Variants in TGFBR3 observed in about 807,000 individuals in gnomAD.
The protein encoded by TGFBR3 is transforming growth factor beta receptor type 3.
A neutral mutation model predicts 87.9 loss-of-function variants in TGFBR3; 46 were observed. The ratio of observed to expected loss-of-function variants is 0.52; its 90% CI spans 0.41 to 0.67. The LOEUF (loss-of-function observed/expected upper bound fraction) is 0.67, where lower values mean the gene tolerates loss of function less well. TGFBR3 is among the 30% of genes least tolerant of loss of function. The pLI, the probability that TGFBR3 is intolerant of heterozygous loss-of-function variation, is 0.00. For missense variants in TGFBR3, 866 were observed against 1,041.9 expected (o/e 0.83, Z 2.32); for synonymous variants, 381 against 391.6 (o/e 0.97, Z 0.32).
chr1:91,773,811 AAGTTT>A (rs1340346749), intron 3 of TGFBR3, among the ~76,000 whole-genome samples: 1 of 152,260 alleles, frequency 6.6e-6, no homozygotes, highest in Non-Finnish European at 1.5e-5. Flanking sequence ...CAATTTTAAA[AAGTTT>A]AGTTTAGCCT....
At chr1:91,835,896 A>G (rs1242443314) in intron 2 of TGFBR3, among the ~76,000 whole-genome samples, 2 of 151,354 alleles carry the variant, frequency 1.3e-5, no homozygotes, top group Non-Finnish European at 2.9e-5. Context: ...TATGAATACC[A>G]AATCTTCCCA....
At chr1:91,823,052 C>T (rs907324901) in intron 2 of TGFBR3, among the ~76,000 whole-genome samples, 3 of 152,178 alleles carry the variant, frequency 2.0e-5, no homozygotes, top group African/African-American at 4.8e-5. Context: ...AATAATAACG[C>T]ATTTTCCTTC....
intron 1 of TGFBR3, among the ~76,000 whole-genome samples, chr1:91,885,327 G>A (rs1051666132): frequency 7.5e-6 from 1 of 133,644 alleles, no homozygotes; most frequent in African/African-American, 2.8e-5. Flanking sequence ...CTAACCAAAT[G>A]AATACAAGAA....
intron 3 of TGFBR3, among the ~76,000 whole-genome samples, chr1:91,795,818 G>A (rs1311984776): frequency 6.6e-6 from 1 of 152,198 alleles, no homozygotes; most frequent in Non-Finnish European, 1.5e-5. Flanking sequence ...AATATGAGTT[G>A]CAGCAACAAT....
chr1:91,706,728 CA>C (rs1487151837), intron 14 of TGFBR3, among the ~76,000 whole-genome samples: 2 of 152,212 alleles, frequency 1.3e-5, no homozygotes, highest in African/African-American at 2.4e-5. Context: ...GACTCATCCC[CA>C]AATTCTTTCT....
At chr1:91,835,072 A>C (rs1259945897) in intron 2 of TGFBR3, among the ~76,000 whole-genome samples, 10 of 152,216 alleles carry the variant, frequency 6.6e-5, no homozygotes, top group African/African-American at 1.2e-4. Flanking sequence ...TGGGGGGCCC[A>C]GAGACCCAGC....
chr1:91,801,082 T>TAA, intron 2 of TGFBR3: 1 of 95,414 alleles, frequency 1.0e-5, no homozygotes, highest in South Asian at 1.1e-4. Flanking sequence ...AAACTCTGTC[T>TAA]CAAAAAAAAA....
intron 16 of TGFBR3, among the ~76,000 whole-genome samples, chr1:91,685,315 C>CTGTTTT (rs1671053114): frequency 9.9e-6 from 1 of 100,668 alleles, no homozygotes; most frequent in African/African-American, 4.1e-5. Context: ...GAAGCACTGC[C>CTGTTTT]TTTTTTTTTT....
At chr1:91,721,024 T>C (rs1048926466) in intron 8 of TGFBR3, among the ~76,000 whole-genome samples, 3 of 152,104 alleles carry the variant, frequency 2.0e-5, no homozygotes, top group African/African-American at 7.2e-5. Context: ...TTCTAACAAC[T>C]AAAAAAATAA....
chr1:91,681,241 C>A lies in TGFBR3; in HGVS notation c.*2498G>T. The A allele has an allele frequency of 2.3e-6, 1 of 442,870 alleles. No homozygotes were observed. Among genetic ancestry groups the A allele is most frequent in the South Asian group, 1.6e-5 (1 of 61,348 alleles). 27.4% of individuals were successfully genotyped at this position (442,870 alleles called of 1,614,324 possible). On this transcript the variant is annotated 3_prime_UTR_variant, in exon 17 of 17. Coordinates refer to ENST00000212355, the MANE Select transcript of TGFBR3 (RefSeq NM_003243.5). ...GTAATGAGAAGCTAGGGAGAAAATACCTTATTTTTTTCATGTTCATTTTTT... is the reference window on the plus strand; with the variant it reads ...GTAATGAGAAGCTAGGGAGAAAATAACTTATTTTTTTCATGTTCATTTTTT...
intron 1 of TGFBR3, among the ~76,000 whole-genome samples, chr1:91,882,132 GA>G (rs1679107889): frequency 1.4e-5 from 2 of 142,858 alleles, no homozygotes; most frequent in Non-Finnish European, 1.5e-5. Context: ...GACAAAAATT[GA>G]AAACCTTTTT....
Position 91,716,394 on chromosome 1 carries a change from A to C in TGFBR3, c.1708T>G (p.Phe570Val), listed in dbSNP as rs751439439. Residue 570 changes from phenylalanine to valine, a missense_variant and splice_region_variant, in exon 12 of 17, where the codon TTT (phenylalanine) becomes GTT (valine). By Grantham distance (50) the Phe-to-Val change is conservative. Transcript: ENST00000212355. ...CTCACCTGCTGAAGGCTGCAATTAA[A>C]CTGGAAATAACAACCCACAGGAAGA... ...SLFTRPEIVV[F>V]NCSLQQVRNP... 74 of 1,614,004 alleles carry C rather than the reference A, an allele frequency of 4.6e-5. No individual in the cohort carries two copies. In the Middle Eastern group the frequency reaches 2.1e-3, roughly 47 times the overall value.
chr1:91,871,533 G>A (rs577590507), intron 1 of TGFBR3, among the ~76,000 whole-genome samples: 4 of 152,158 alleles, frequency 2.6e-5, no homozygotes, highest in Non-Finnish European at 5.9e-5. Flanking sequence ...GAAGACCTAG[G>A]AAAGGAAAAT....
intron 1 of TGFBR3, among the ~76,000 whole-genome samples, chr1:91,863,356 T>C (rs1165061618): frequency 6.6e-6 from 1 of 152,192 alleles, no homozygotes; most frequent in Non-Finnish European, 1.5e-5. Context: ...TGGGTGTGAA[T>C]CCACTCTGCC....
chr1:91,754,802 T>C (rs1557693778), intron 4 of TGFBR3, among the ~76,000 whole-genome samples: 1 of 152,144 alleles, frequency 6.6e-6, no homozygotes, highest in Non-Finnish European at 1.5e-5. Flanking sequence ...TGGGCAGTCA[T>C]AACAACACAG....
At chr1:91,697,792 T>A (rs1314380343) in intron 15 of TGFBR3, among the ~76,000 whole-genome samples, 2 of 152,236 alleles carry the variant, frequency 1.3e-5, no homozygotes, top group African/African-American at 2.4e-5. Flanking sequence ...AGCATGCAAG[T>A]CATTAACTTG....
rs567939547 is a variant in TGFBR3 at position 91,894,195 on chromosome 1, C to T, written c.-114+5442G>A. On this transcript the variant is annotated intron_variant, in intron 2 of 17. Coordinates refer to the TGFBR3 transcript ENST00000370399. ...GCGTCTTCTCTGCTCTGCTTTCTCTCGTTACCCTGGATGAACTGGCCTTGC... is the reference window on the plus strand; with the variant it reads ...GCGTCTTCTCTGCTCTGCTTTCTCTTGTTACCCTGGATGAACTGGCCTTGC... Among the ~76,000 whole-genome samples the T allele has an allele frequency of 4.6e-5, 7 of 152,160 alleles. No individual in the cohort carries two copies. The South Asian group carries it at 6.2e-4, about 14-fold the overall frequency.
chr1:91,721,599 C>T (rs558766591), intron 8 of TGFBR3, among the ~76,000 whole-genome samples: 1 of 152,292 alleles, frequency 6.6e-6, no homozygotes, highest in Non-Finnish European at 1.5e-5. Flanking sequence ...GACTATTTTC[C>T]TAAAAGATAC....
intron 2 of TGFBR3, chr1:91,830,040 C>G (rs1348672450): frequency 3.3e-5 from 5 of 152,240 alleles, no homozygotes; most frequent in Non-Finnish European, 7.3e-5. Context: ...CTCTTGAGTA[C>G]AGACCCAAAT....
Sources: gnomAD v4.1 joint callset for allele counts (sites outside exome capture counted in the v4.1 genomes callset) on GRCh38, gnomAD v4.1.1 for gene constraint, MANE v1.5 for transcripts, NCBI Gene and HGNC (gene_info 2026-07-23, HGNC 2026-07-21) for gene names.